Variants in IL1RAPL2 observed in about 807,000 individuals in gnomAD.
The protein encoded by IL1RAPL2 is X-linked interleukin-1 receptor accessory protein-like 2.
In IL1RAPL2, 3 loss-of-function variants were observed where a neutral mutation model predicts 44.1. The ratio of observed to expected loss-of-function variants is 0.07; its 90% confidence interval spans 0.03 to 0.18. The LOEUF (loss-of-function observed/expected upper bound fraction) is 0.18. Among genes scored for constraint, IL1RAPL2 ranks in the 10% least tolerant of loss-of-function variants. The pLI is 1.00. For missense variants in IL1RAPL2, 391 were observed against 496.4 expected (o/e 0.79, Z 2.02); for synonymous variants, 181 against 178.8 (o/e 1.01, Z -0.10).
At chrX:105,407,737 C>G (rs1452927635) in intron 5 of IL1RAPL2, among the ~76,000 whole-genome samples, 1 of 111,714 alleles carries the variant, frequency 9.0e-6, no homozygotes, top group African/African-American at 3.3e-5. Context: ...CACTGTCATT[C>G]CAAAGGTACA....
intron 6 of IL1RAPL2, among the ~76,000 whole-genome samples, chrX:105,612,676 G>C (rs2037345235): frequency 8.9e-6 from 1 of 112,228 alleles, no homozygotes; most frequent in Non-Finnish European, 1.9e-5. Context: ...CAGTCATGTG[G>C]CATGCACTTG....
intron 2 of IL1RAPL2, among the ~76,000 whole-genome samples, chrX:105,067,796 C>T (rs2032156286): frequency 9.1e-6 from 1 of 110,493 alleles, no homozygotes; most frequent in South Asian, 3.7e-4. Context: ...CACACACACG[C>T]GCGCATGCAT....
chrX:105,030,670 C>T (rs903166130), intron 2 of IL1RAPL2, among the ~76,000 whole-genome samples: 11 of 111,669 alleles, frequency 9.9e-5, no homozygotes, highest in African/African-American at 3.6e-4. Flanking sequence ...AGTTTGAAGT[C>T]AGGTAGAGTG....
chrX:105,688,126 G>A (rs965659977), intron 6 of IL1RAPL2, among the ~76,000 whole-genome samples: 17 of 111,519 alleles, frequency 1.5e-4, no homozygotes, highest in African/African-American at 3.9e-4. Flanking sequence ...TACTGAATGC[G>A]CAAAAACTAG....
intron 5 of IL1RAPL2, among the ~76,000 whole-genome samples, chrX:105,390,827 C>T (rs1283136842): frequency 9.0e-6 from 1 of 110,631 alleles, no homozygotes; most frequent in East Asian, 2.9e-4. Flanking sequence ...AAAAGCTAAC[C>T]TGGTAAATAT....
At chrX:105,473,846 A>G (rs1319251244) in intron 5 of IL1RAPL2, among the ~76,000 whole-genome samples, 1 of 112,100 alleles carries the variant, frequency 8.9e-6, no homozygotes, top group Non-Finnish European at 1.9e-5. Flanking sequence ...TTATTTTCAT[A>G]AAAATACAAT....
intron 5 of IL1RAPL2, among the ~76,000 whole-genome samples, chrX:105,378,274 T>C (rs1223789687): frequency 8.9e-6 from 1 of 111,933 alleles, no homozygotes; most frequent in Non-Finnish European, 1.9e-5. Context: ...GTTTGAAATA[T>C]TTTACATGAA....
At chrX:104,798,323 T>A (rs1932863611) in intron 2 of IL1RAPL2, among the ~76,000 whole-genome samples, 1 of 110,052 alleles carries the variant, frequency 9.1e-6, no homozygotes, top group Non-Finnish European at 1.9e-5. Context: ...CTGGTTCAAT[T>A]TAAAGTGCCC....
chrX:104,635,352 T>A (rs11796060), intron 1 of IL1RAPL2, among the ~76,000 whole-genome samples: 2 of 110,255 alleles, frequency 1.8e-5, no homozygotes, highest in East Asian at 5.7e-4. Context: ...AGTATCTTTG[T>A]GGCGTTCTCT....
rs747111991 is a variant in IL1RAPL2 at position 104,886,377 on chromosome X, G to A, written c.82+227382G>A. On this transcript the variant is annotated intron_variant, in intron 2 of 10. Transcript: ENST00000372582. ...TGGAAGGGCAAAAAATGCCTGCCCA[G>A]TCCAAATCAGGCTAAAAGACCCCAC... Among the ~76,000 whole-genome samples the A allele has an allele frequency of 4.0e-3, 441 of 111,567 alleles. 2 individuals are homozygous for A. The highest frequency in any genetic ancestry group is 6.4e-3 in the Non-Finnish European group (341 of 53,094).
At chrX:105,636,911 C>T (rs946535507) in intron 6 of IL1RAPL2, among the ~76,000 whole-genome samples, 1 of 111,292 alleles carries the variant, frequency 9.0e-6, no homozygotes, top group Non-Finnish European at 1.9e-5. Context: ...ACATTACAGG[C>T]AACAGCTGCA....
chrX:105,091,913 C>T (rs749271927), intron 2 of IL1RAPL2, among the ~76,000 whole-genome samples: 6 of 110,908 alleles, frequency 5.4e-5, no homozygotes, highest in African/African-American at 2.0e-4. Flanking sequence ...GGAGACATTA[C>T]TTACTTCCAG....
At chrX:105,596,871 G>C (rs1472780582) in intron 6 of IL1RAPL2, among the ~76,000 whole-genome samples, 1 of 111,712 alleles carries the variant, frequency 9.0e-6, no homozygotes, top group African/African-American at 3.3e-5. Flanking sequence ...ATTCCTGGAA[G>C]AAAACATAAG....
intron 2 of IL1RAPL2, among the ~76,000 whole-genome samples, chrX:105,128,890 G>A (rs771507303): frequency 5.8e-4 from 65 of 111,224 alleles, no homozygotes; most frequent in Non-Finnish European, 1.1e-3. Context: ...TGATAAATTG[G>A]CCATGGTGGA....
At chrX:104,854,864 C>T (rs1396697428) in intron 2 of IL1RAPL2, among the ~76,000 whole-genome samples, 10 of 111,350 alleles carry the variant, frequency 9.0e-5, no homozygotes, top group Admixed American at 8.6e-4. Flanking sequence ...ATTTTCTGAC[C>T]TGGGCCAATT....
intron 5 of IL1RAPL2, among the ~76,000 whole-genome samples, chrX:105,321,428 A>G (rs1411811213): frequency 8.9e-6 from 1 of 111,825 alleles, no homozygotes; most frequent in African/African-American, 3.3e-5. Context: ...TGGCTACATA[A>G]TTTGCATGGC....
intron 1 of IL1RAPL2, among the ~76,000 whole-genome samples, chrX:104,630,696 A>G (rs1025622013): frequency 2.7e-5 from 3 of 111,392 alleles, no homozygotes; most frequent in African/African-American, 6.5e-5. Context: ...TAAAAATGAC[A>G]TTGGTATTTT....
chrX:105,133,209 C>G (rs2033044762), intron 2 of IL1RAPL2, among the ~76,000 whole-genome samples: 1 of 111,608 alleles, frequency 9.0e-6, no homozygotes, highest in South Asian at 3.7e-4. Flanking sequence ...ACCTCTGAAT[C>G]AAATTCTTTT....
chrX:104,896,772 G>T (rs745417409), intron 2 of IL1RAPL2, among the ~76,000 whole-genome samples: 1 of 111,190 alleles, frequency 9.0e-6, no homozygotes, highest in South Asian at 3.8e-4. Context: ...AAATCTTGCT[G>T]CTCCTCACTC....
Sources: gnomAD v4.1 joint callset for allele counts (sites outside exome capture counted in the v4.1 genomes callset) on GRCh38, gnomAD v4.1.1 for gene constraint, MANE v1.5 for transcripts, NCBI Gene and HGNC (gene_info 2026-07-23, HGNC 2026-07-21) for gene names.